TM2D1: variants seen among roughly 807,000 people sequenced by gnomAD.
TM2D1 encodes TM2 domain containing 1.
A neutral mutation model predicts 28.4 loss-of-function variants in TM2D1; 15 were observed. The ratio of observed to expected loss-of-function variants is 0.53; its 90% CI spans 0.35 to 0.81. The LOEUF (loss-of-function observed/expected upper bound fraction) is 0.81. Among genes scored for constraint, TM2D1 ranks in the 40% least tolerant of loss-of-function variants. The pLI is 0.01. For synonymous variants in TM2D1, 93 were observed against 96.2 expected (o/e 0.97, Z 0.20); for missense variants, 236 against 254.9 (o/e 0.93, Z 0.50).
chr1:61,682,414 C>G (rs1399557050), intron 6 of TM2D1, among the ~76,000 whole-genome samples: 1 of 152,100 alleles, frequency 6.6e-6, no homozygotes, highest in Non-Finnish European at 1.5e-5. Context: ...ATCATTATAC[C>G]AGGAAATGGT....
At chr1:61,724,116 A>ACC (rs1427457443) in intron 1 of TM2D1, among the ~76,000 whole-genome samples, 1 of 152,182 alleles carries the variant, frequency 6.6e-6, no homozygotes, top group Non-Finnish European at 1.5e-5. Context: ...TCATGAGAAA[A>ACC]CAGAGTTCAA....
At chr1:61,714,473 G>A (rs562364014) in intron 2 of TM2D1, among the ~76,000 whole-genome samples, 18 of 152,150 alleles carry the variant, frequency 1.2e-4, no homozygotes, top group Admixed American at 3.3e-4. Flanking sequence ...CCCGGGAAGC[G>A]GAGGTTTCAG....
At chr1:61,686,683 T>TA (rs1254210412) in intron 5 of TM2D1, 1 of 510,294 alleles carries the variant, frequency 2.0e-6, no homozygotes, top group Non-Finnish European at 2.5e-6. Flanking sequence ...AATAAATAAA[T>TA]AATAAAACCT....
At position 61,692,921 on chromosome 1, in the gene TM2D1, G is replaced by A. The variant is rs144486107; in HGVS notation, c.513+1776C>T. 2.5e-3 allele frequency among the ~76,000 whole-genome samples: 381 copies of A among 152,110 alleles called. 1 individual carries two copies. Among genetic ancestry groups the A allele is most frequent in the African/African-American group, 8.5e-3 (353 of 41,468 alleles). ...ACCTCAATAATTTCTTAATGTGATCGACTCCTAATCCCAGAAGATCTTTAA... is the reference window on the plus strand; with the variant it reads ...ACCTCAATAATTTCTTAATGTGATCAACTCCTAATCCCAGAAGATCTTTAA... On this transcript the variant is annotated intron_variant, in intron 5 of 6. Coordinates refer to ENST00000606498, the MANE Select transcript of TM2D1 (RefSeq NM_032027.3).
At chr1:61,722,317 G>C (rs770698842) in intron 2 of TM2D1, among the ~76,000 whole-genome samples, 2 of 152,034 alleles carry the variant, frequency 1.3e-5, no homozygotes, top group African/African-American at 2.4e-5. Flanking sequence ...TTATAGAGGA[G>C]ATATTGCTTA....
At chr1:61,691,037 A>G (rs1383267110) in intron 5 of TM2D1, among the ~76,000 whole-genome samples, 2 of 152,238 alleles carry the variant, frequency 1.3e-5, no homozygotes, top group Non-Finnish European at 2.9e-5. Flanking sequence ...TGACAAAGAA[A>G]GAACCCAGCA....
At chr1:61,688,256 A>T (rs1028454826) in intron 5 of TM2D1, among the ~76,000 whole-genome samples, 1 of 152,228 alleles carries the variant, frequency 6.6e-6, no homozygotes, top group Non-Finnish European at 1.5e-5. Flanking sequence ...CACTAAAAAA[A>T]AATCTACCCA....
intron 2 of TM2D1, among the ~76,000 whole-genome samples, chr1:61,709,668 C>T (rs1151770): frequency 0.34 from 51,777 of 152,000 alleles, 10,536 homozygotes; most frequent in African/African-American, 0.57. Flanking sequence ...CCACACTGGA[C>T]TAGATGCATG....
intron 2 of TM2D1, among the ~76,000 whole-genome samples, chr1:61,713,912 G>A (rs1454361520): frequency 4.6e-4 from 60 of 130,772 alleles, no homozygotes; most frequent in African/African-American, 1.7e-3. Flanking sequence ...TTTTTGAGAC[G>A]GAGTCTCGCT....
At chr1:61,702,435 C>T (rs1052836022) in intron 3 of TM2D1, among the ~76,000 whole-genome samples, 2 of 150,196 alleles carry the variant, frequency 1.3e-5, no homozygotes, top group Non-Finnish European at 3.0e-5. Context: ...GTGGCGTGAT[C>T]TCGGCTCACT....
rs184074451 is a variant in TM2D1, at chr1:61,720,893, T to A, written c.238+2820A>T. On this transcript the variant is annotated intron_variant, in intron 2 of 6. Coordinates refer to ENST00000606498, the MANE Select transcript of TM2D1 (RefSeq NM_032027.3). ...CCCCAAACTCCCCTCTGTAAAACAC[T>A]GCTCACGTTCATCCCTACCCAAACA... 2.0e-4 allele frequency among the ~76,000 whole-genome samples: 30 copies of A among 152,202 alleles called. 1 individual carries two copies. Among genetic ancestry groups the A allele is most frequent in the South Asian group, 6.2e-4 (3 of 4,820 alleles).
intron 5 of TM2D1, among the ~76,000 whole-genome samples, chr1:61,692,542 G>C (rs1644335739): frequency 6.6e-6 from 1 of 150,414 alleles, no homozygotes; most frequent in African/African-American, 2.4e-5. Context: ...AGAAAGAAAA[G>C]AAAAAAAAGA....
At chr1:61,723,879 C>A in intron 1 of TM2D1, 93 bp from the exon 2 acceptor site, 2 of 553,080 alleles carry the variant, frequency 3.6e-6, no homozygotes, top group Non-Finnish European at 6.3e-6. Flanking sequence ...TGTTGATATT[C>A]ACATGTAAAT....
Position 61,708,784 on chromosome 1 carries a change from G to A in TM2D1, c.347+545C>T, listed in dbSNP as rs534056356. ...TAACTGACCTGAATTAACATGGCACGAGGCCATTTATAGTCTTTATTTGTC... is the reference window on the plus strand; with the variant it reads ...TAACTGACCTGAATTAACATGGCACAAGGCCATTTATAGTCTTTATTTGTC... On this transcript the variant is annotated intron_variant, in intron 3 of 6. Coordinates refer to ENST00000606498, the MANE Select transcript of TM2D1 (RefSeq NM_032027.3). Among the ~76,000 whole-genome samples, 6 of 151,848 alleles carry A rather than the reference G, an allele frequency of 4.0e-5. No individual in the cohort carries two copies. The South Asian group carries it at 1.0e-3, about 26-fold the overall frequency.
chr1:61,697,177 T>C (rs1372904896), intron 4 of TM2D1, among the ~76,000 whole-genome samples: 3 of 152,154 alleles, frequency 2.0e-5, no homozygotes, highest in Non-Finnish European at 4.4e-5. Context: ...TTTCTAGAAA[T>C]AGATGGACCA....
chr1:61,693,603 C>T (rs1644343599), intron 5 of TM2D1, among the ~76,000 whole-genome samples: 1 of 152,126 alleles, frequency 6.6e-6, no homozygotes, highest in South Asian at 2.1e-4. Flanking sequence ...CAGGAAAATT[C>T]CAACTTTAAA....
intron 5 of TM2D1, among the ~76,000 whole-genome samples, chr1:61,686,270 T>C (rs1199414780): frequency 6.6e-6 from 1 of 151,392 alleles, no homozygotes; most frequent in East Asian, 1.9e-4. Context: ...CACTTTTCTA[T>C]GAACTATCTG....
At chr1:61,688,803 G>C (rs934466625) in intron 5 of TM2D1, among the ~76,000 whole-genome samples, 7 of 148,320 alleles carry the variant, frequency 4.7e-5, no homozygotes, top group African/African-American at 1.2e-4. Context: ...CCAGCACTGT[G>C]GGAGGTTGAG....
chr1:61,681,496 C>T (rs1178865195), intron 6 of TM2D1, 146 bp from the exon 7 acceptor site: 1 of 152,148 alleles, frequency 6.6e-6, no homozygotes, highest in African/African-American at 2.4e-5. Flanking sequence ...AGAGAGATTA[C>T]ATGAATGATA....
Sources: gnomAD v4.1 joint callset for allele counts (sites outside exome capture counted in the v4.1 genomes callset) on GRCh38, gnomAD v4.1.1 for gene constraint, MANE v1.5 for transcripts, NCBI Gene and HGNC (gene_info 2026-07-23, HGNC 2026-07-21) for gene names.